Variants in PKIB observed in about 807,000 individuals in gnomAD.
PKIB encodes the protein cAMP-dependent protein kinase inhibitor beta, also known as PKI-beta.
In PKIB, 2 loss-of-function variants were observed where a neutral mutation model predicts 4.5. The observed-to-expected ratio is 0.44, with a 90% CI of 0.18 to 1.39. The LOEUF (loss-of-function observed/expected upper bound fraction) is 1.39, where lower values mean the gene tolerates loss of function less well. Among genes scored for constraint, PKIB ranks in the 40% most tolerant of loss-of-function variants. The probability of loss-of-function intolerance (pLI) is 0.27; values close to 1 mark genes in which losing one functional copy is unlikely to be tolerated. For missense variants in PKIB, 94 were observed against 92.6 expected (o/e 1.02, Z -0.06); for synonymous variants, 38 against 36.0 (o/e 1.06, Z -0.20).
At chr6:122,699,590 A>G (rs1220569595) in intron 3 of PKIB, among the ~76,000 whole-genome samples, 4 of 152,008 alleles carry the variant, frequency 2.6e-5, no homozygotes, top group African/African-American at 9.7e-5. Flanking sequence ...GGGGATAATA[A>G]CCCCTGCACT....
At chr6:122,601,777 C>CTATATCAGTATATAGTACAT (rs1774375624) in intron 3 of PKIB, among the ~76,000 whole-genome samples, 1 of 152,086 alleles carries the variant, frequency 6.6e-6, no homozygotes, top group Non-Finnish European at 1.5e-5. Context: ...ATATAACATA[C>CTATATCAGTATATAGTACAT]AAAACTGTGT....
At chr6:122,717,529 C>G (rs933536708) in intron 3 of PKIB, 10 of 457,264 alleles carry the variant, frequency 2.2e-5, no homozygotes, top group Non-Finnish European at 3.9e-5. Context: ...ATTACTGCAC[C>G]CTTAAGCATC....
chr6:122,614,721 G>C (rs977914288), intron 1 of PKIB, among the ~76,000 whole-genome samples: 1 of 152,030 alleles, frequency 6.6e-6, no homozygotes. Flanking sequence ...TATGGATTGA[G>C]CTAATACATC....
At chr6:122,485,721 G>A (rs80335001) in intron 2 of PKIB, among the ~76,000 whole-genome samples, 1 of 152,192 alleles carries the variant, frequency 6.6e-6, no homozygotes, top group African/African-American at 2.4e-5. Context: ...GTGTTAAAGC[G>A]GAAGGATGGT....
At chr6:122,582,840 C>T (rs549126698) in intron 2 of PKIB, among the ~76,000 whole-genome samples, 40 of 152,018 alleles carry the variant, frequency 2.6e-4, no homozygotes, top group African/African-American at 9.2e-4. Flanking sequence ...TAAAACAGTA[C>T]CTAACACATA....
At chr6:122,566,350 G>A (rs1238122487) in intron 2 of PKIB, among the ~76,000 whole-genome samples, 1 of 152,008 alleles carries the variant, frequency 6.6e-6, no homozygotes, top group African/African-American at 2.4e-5. Context: ...TCTGAGCCTA[G>A]TTTTGTTATC....
chr6:122,663,675 G>C (rs1044185273), intron 2 of PKIB, among the ~76,000 whole-genome samples: 1 of 152,012 alleles, frequency 6.6e-6, no homozygotes, highest in African/African-American at 2.4e-5. Context: ...CTGTCTTTAC[G>C]TTGTCTTCCC....
chr6:122,492,057 G>C (rs574533852), intron 2 of PKIB, among the ~76,000 whole-genome samples: 78 of 152,258 alleles, frequency 5.1e-4, no homozygotes, highest in Non-Finnish European at 9.0e-4. Flanking sequence ...TTTATTCAGA[G>C]GCTTAAGCCA....
intron 1 of PKIB, among the ~76,000 whole-genome samples, chr6:122,630,581 CAAA>C (rs1226030784): frequency 6.6e-6 from 1 of 151,702 alleles, no homozygotes; most frequent in Non-Finnish European, 1.5e-5. Flanking sequence ...TTTTGCAAGA[CAAA>C]AAAGTTGTGG....
chr6:122,701,470 C>T (rs1227835924), intron 3 of PKIB: 1 of 1,592,680 alleles, frequency 6.3e-7, no homozygotes, highest in East Asian at 2.3e-5. Flanking sequence ...CTGCCAAACA[C>T]AGGCTGAACC....
chr6:122,549,682 T>C (rs2114652454), intron 2 of PKIB, among the ~76,000 whole-genome samples: 1 of 152,124 alleles, frequency 6.6e-6, no homozygotes. Context: ...ACATAGTTTA[T>C]AAGCCAAATA....
chr6:122,534,273 A>G (rs1582681751), intron 2 of PKIB, among the ~76,000 whole-genome samples: 1 of 152,010 alleles, frequency 6.6e-6, no homozygotes, highest in East Asian at 1.9e-4. Flanking sequence ...ATGGACCCAT[A>G]TATAGCATGA....
chr6:122,662,263 C>T (rs1582787915), intron 2 of PKIB, among the ~76,000 whole-genome samples: 1 of 140,226 alleles, frequency 7.1e-6, no homozygotes, highest in Non-Finnish European at 1.5e-5. Context: ...AAATGATTGC[C>T]TAAACCAAGG....
At chr6:122,653,851 G>A (rs1176650300) in intron 2 of PKIB, among the ~76,000 whole-genome samples, 4 of 152,068 alleles carry the variant, frequency 2.6e-5, no homozygotes, top group Admixed American at 2.0e-4. Context: ...CCAACTACTC[G>A]GAAGGCTGAG....
At chr6:122,546,037 G>T (rs1036329146) in intron 2 of PKIB, among the ~76,000 whole-genome samples, 2 of 151,828 alleles carry the variant, frequency 1.3e-5, no homozygotes, top group South Asian at 2.1e-4. Flanking sequence ...TCTCTTAAAG[G>T]CTCATTTCCC....
At chr6:122,508,006 G>C (rs1363063816) in intron 2 of PKIB, among the ~76,000 whole-genome samples, 1 of 152,082 alleles carries the variant, frequency 6.6e-6, no homozygotes, top group Non-Finnish European at 1.5e-5. Context: ...TTATGTAATT[G>C]TATTTTTAAG....
At chr6:122,715,084 C>CAA (rs879822529) in intron 3 of PKIB, among the ~76,000 whole-genome samples, 1 of 140,054 alleles carries the variant, frequency 7.1e-6, no homozygotes. Context: ...CACGCTGAGC[C>CAA]AAAAAAAAAA....
intron 3 of PKIB, among the ~76,000 whole-genome samples, chr6:122,601,958 T>C (rs1171956626): frequency 1.3e-5 from 2 of 151,908 alleles, no homozygotes; most frequent in African/African-American, 2.4e-5. Flanking sequence ...TAGGAAAGCA[T>C]GGAGTCCTCC....
chr6:122,472,768 T>C (rs147591096), intron 1 of PKIB, among the ~76,000 whole-genome samples: 260 of 152,324 alleles, frequency 1.7e-3, no homozygotes, highest in African/African-American at 6.0e-3. Context: ...TATTCTTCTT[T>C]GCCTTATCTG....
Sources: gnomAD v4.1 joint callset for allele counts (sites outside exome capture counted in the v4.1 genomes callset) on GRCh38, gnomAD v4.1.1 for gene constraint, MANE v1.5 for transcripts, NCBI Gene and HGNC (gene_info 2026-07-23, HGNC 2026-07-21) for gene names.